The following CACNA1I variants were observed in gnomAD, a reference collection of about 807,000 sequenced individuals.
The protein encoded by CACNA1I is calcium voltage-gated channel subunit alpha1 I, also known as voltage-dependent T-type calcium channel subunit alpha-1I.
Under a neutral mutation model 201.6 loss-of-function variants are expected in CACNA1I, and 74 were observed. The ratio of observed to expected loss-of-function variants is 0.37; its 90% CI spans 0.30 to 0.45. The LOEUF (loss-of-function observed/expected upper bound fraction) is 0.45. Among genes scored for constraint, CACNA1I ranks in the 20% least tolerant of loss-of-function variants. The pLI is 1.00. For synonymous variants in CACNA1I, 1,431 were observed against 1,345.2 expected (o/e 1.06, Z -1.40); for missense variants, 2,346 against 3,138.1 (o/e 0.75, Z 6.03).
rs1015147179 is a variant in CACNA1I, at chr22:39,686,513, G to A, written c.*108G>A. On this transcript the variant is annotated 3_prime_UTR_variant, in exon 37 of 37. Coordinates refer to ENST00000402142, the MANE Select transcript of CACNA1I (RefSeq NM_021096.4). ...TCGTCCACACCTGGGATCGCGCAGGGCCCGCAGGGCACAGGCGCCCGACAG... is the reference window on the plus strand; with the variant it reads ...TCGTCCACACCTGGGATCGCGCAGGACCCGCAGGGCACAGGCGCCCGACAG... 1 of 876,652 alleles carries A rather than the reference G, an allele frequency of 1.1e-6. No homozygotes were observed. Among genetic ancestry groups the A allele is most frequent in the Non-Finnish European group, 1.5e-6 (1 of 675,176 alleles). 54.3% of individuals were successfully genotyped at this position (876,652 alleles called of 1,614,324 possible). A position where few individuals can be genotyped will look rare whatever the true frequency, so the allele number is the denominator to read the frequency against.
intron 4 of CACNA1I, among the ~76,000 whole-genome samples, chr22:39,625,849 C>A (rs1933885948): frequency 6.6e-6 from 1 of 152,260 alleles, no homozygotes; most frequent in South Asian, 2.1e-4. Context: ...CACCCCACCC[C>A]CAGCCTGTAC....
intron 6 of CACNA1I, among the ~76,000 whole-genome samples, chr22:39,642,188 G>A (rs150881776): frequency 6.6e-4 from 100 of 152,254 alleles, no homozygotes; most frequent in African/African-American, 2.3e-3. Context: ...GTGAGGTGAC[G>A]GCAACAGCTG....
At position 39,619,365 on chromosome 22, in the gene CACNA1I, G is replaced by C. The variant is rs770899366; in HGVS notation, c.538G>C (p.Val180Leu). ...CATCAACCTGTCAGCCATCCGCACC[G>C]TGCGCGTCCTGAGGCCCCTCAAAGC... ...QNINLSAIRT[V>L]RVLRPLKAIN... The change falls in exon 4 of 37, where the codon GTG becomes CTG. Residue 180 changes from valine to leucine, a missense_variant. Coordinates refer to ENST00000402142, the MANE Select transcript of CACNA1I (RefSeq NM_021096.4). 6.2e-7 allele frequency: 1 copy of C among 1,609,806 alleles called. No homozygotes were observed. The highest frequency in any genetic ancestry group is 8.5e-7 in the Non-Finnish European group (1 of 1,179,802).
At position 39,664,744 on chromosome 22, in the gene CACNA1I, C is replaced by A; in HGVS notation, c.3672C>A (p.Val1224=). 7.2e-7 allele frequency: 1 copy of A among 1,386,388 alleles called. No homozygotes were observed. Among genetic ancestry groups the A allele is most frequent in the Non-Finnish European group, 9.7e-7 (1 of 1,034,672 alleles). The allele number at this position is 1,386,388 out of a possible 1,614,324, so 85.9% of individuals were successfully genotyped here. The change falls in exon 21 of 37, where the codon GTC becomes GTA. Residue 1224 remains valine, a synonymous_variant. Transcript: ENST00000402142. ...IFVGEMTLKV[V]SLGLYFGEQA... ...CGGCCCCACCCCCGCCCCAGGTAGT[C>A]TCGCTGGGCCTGTACTTCGGCGAGC...
At chr22:39,607,257 G>A (rs1933247861) in intron 3 of CACNA1I, among the ~76,000 whole-genome samples, 1 of 152,240 alleles carries the variant, frequency 6.6e-6, no homozygotes, top group Admixed American at 6.5e-5. Context: ...AGGGCAGGGT[G>A]TGCATAGATC....
chr22:39,630,751 G>A (rs1238066705), intron 4 of CACNA1I, among the ~76,000 whole-genome samples: 6 of 152,256 alleles, frequency 3.9e-5, no homozygotes, highest in Non-Finnish European at 7.3e-5. Context: ...AGGAGGTGAG[G>A]GATGGCCCTC....
intron 3 of CACNA1I, among the ~76,000 whole-genome samples, chr22:39,617,307 G>A (rs1390944076): frequency 3.3e-5 from 5 of 152,226 alleles, no homozygotes; most frequent in Non-Finnish European, 7.3e-5. Flanking sequence ...CAGCACGTGG[G>A]TGGGTTCAGT....
chr22:39,660,945 C>T (rs1457797824), intron 15 of CACNA1I, among the ~76,000 whole-genome samples, 163 bp from the exon 16 acceptor site: 1 of 152,130 alleles, frequency 6.6e-6, no homozygotes, highest in African/African-American at 2.4e-5. Context: ...AGGGGAGGCA[C>T]TGTGATGGGG....
intron 1 of CACNA1I, among the ~76,000 whole-genome samples, chr22:39,593,130 T>TG (rs527701045): frequency 0.04 from 6,124 of 152,300 alleles, 184 homozygotes; most frequent in Middle Eastern, 0.15. Context: ...ATCTGCCTCC[T>TG]GCGGGGACCC....
chr22:39,675,171 C>G (rs1405471405), intron 29 of CACNA1I, among the ~76,000 whole-genome samples: 5 of 152,248 alleles, frequency 3.3e-5, no homozygotes, highest in Non-Finnish European at 7.3e-5. Context: ...CTTTTCGTGC[C>G]TCAGTTTCCT....
At chr22:39,618,286 T>TGTGA (rs386395424) in intron 3 of CACNA1I, among the ~76,000 whole-genome samples, 8 of 24,230 alleles carry the variant, frequency 3.3e-4, no homozygotes, top group African/African-American at 1.4e-3. Context: ...ACTGTGTGTG[T>TGTGA]GACTGTGTGT....
chr22:39,632,288 G>A (rs571516306), intron 4 of CACNA1I, among the ~76,000 whole-genome samples: 6 of 152,184 alleles, frequency 3.9e-5, no homozygotes, highest in East Asian at 1.9e-4. Context: ...CTCGGGGCTC[G>A]CCCATTCTTT....
chr22:39,589,259 C>G (rs186651580), intron 1 of CACNA1I, among the ~76,000 whole-genome samples: 1 of 152,162 alleles, frequency 6.6e-6, no homozygotes, highest in Non-Finnish European at 1.5e-5. Flanking sequence ...ATAACACAGA[C>G]GTGCCTGTTC....
intron 2 of CACNA1I, among the ~76,000 whole-genome samples, chr22:39,599,594 G>T (rs965227211): frequency 3.3e-5 from 4 of 121,754 alleles, no homozygotes; most frequent in African/African-American, 1.3e-4. Flanking sequence ...ACTCCAGCCT[G>T]GGCGACAGAG....
chr22:39,618,418 C>T (rs2072714), intron 3 of CACNA1I, among the ~76,000 whole-genome samples: 138,183 of 151,372 alleles, frequency 0.91, 63,208 homozygotes, highest in Middle Eastern at 0.97. Flanking sequence ...TGTGCATGTA[C>T]GTGACTCTGT....
intron 11 of CACNA1I, 134 bp from the exon 12 acceptor site, chr22:39,658,797 A>G: frequency 2.6e-6 from 2 of 783,728 alleles, no homozygotes; most frequent in Non-Finnish European, 4.1e-6. Flanking sequence ...AGCAGCATCC[A>G]ACATATTTGT....
Position 39,666,099 on chromosome 22 carries a change from C to T in CACNA1I, c.4104+93C>T. The T allele has an allele frequency of 1.4e-6, 2 of 1,450,642 alleles. No homozygotes were observed. The highest frequency in any genetic ancestry group is 5.0e-5 in the East Asian group (2 of 40,382). 89.9% of individuals were successfully genotyped at this position (1,450,642 alleles called of 1,614,324 possible). ...ACAGACCTGGCTTGTCTTGCACTGCCAGGACTGACACTGACTTCTCCTCTC... is the reference window on the plus strand; with the variant it reads ...ACAGACCTGGCTTGTCTTGCACTGCTAGGACTGACACTGACTTCTCCTCTC... On this transcript the variant is annotated intron_variant, in intron 23 of 36. Coordinates refer to ENST00000402142, the MANE Select transcript of CACNA1I (RefSeq NM_021096.4). The surrounding 1 kb of genome is among the most constrained non-coding windows in gnomAD (Gnocchi z 4.1).
intron 7 of CACNA1I, among the ~76,000 whole-genome samples, chr22:39,643,200 C>T (rs1340286842): frequency 6.6e-6 from 1 of 152,226 alleles, no homozygotes; most frequent in African/African-American, 2.4e-5. Context: ...TTTGCATGAC[C>T]TGAGTCCAAG....
intron 34 of CACNA1I, among the ~76,000 whole-genome samples, chr22:39,681,990 A>G (rs541962592): frequency 3.3e-5 from 5 of 152,136 alleles, no homozygotes; most frequent in Non-Finnish European, 7.4e-5. Context: ...CAGACTCAGC[A>G]AGTCATTGGA....
Sources: gnomAD v4.1 joint callset for allele counts (sites outside exome capture counted in the v4.1 genomes callset) on GRCh38, gnomAD v4.1.1 for gene constraint, Gnocchi (gnomAD v3.1) non-coding constraint, MANE v1.5 for transcripts, NCBI Gene and HGNC (gene_info 2026-07-23, HGNC 2026-07-21) for gene names.